CMTM6: variants seen among roughly 807,000 people sequenced by gnomAD.
CMTM6 encodes the protein CKLF-like MARVEL transmembrane domain-containing protein 6.
In CMTM6, 5 loss-of-function variants were observed where a neutral mutation model predicts 13.6. The ratio of observed to expected loss-of-function variants is 0.37; its 90% confidence interval spans 0.19 to 0.77. The LOEUF (loss-of-function observed/expected upper bound fraction) is 0.77. Ranked by LOEUF, CMTM6 falls within the 30% of genes least tolerant of loss-of-function variation. The pLI is 0.50. For synonymous variants in CMTM6, 99 were observed against 84.5 expected, an observed-to-expected ratio of 1.17 and a Z score of -0.94; for missense variants, 196 against 218.6, an observed-to-expected ratio of 0.90 and a Z score of 0.65.
intron 1 of CMTM6, among the ~76,000 whole-genome samples, chr3:32,498,727 A>C (rs1209720980): frequency 6.6e-6 from 1 of 151,016 alleles, no homozygotes; most frequent in Non-Finnish European, 1.5e-5. Context: ...TTACAGGTGC[A>C]CGCCACAATA....
At chr3:32,501,692 T>C (rs1336676496) in intron 1 of CMTM6, among the ~76,000 whole-genome samples, 1 of 152,264 alleles carries the variant, frequency 6.6e-6, no homozygotes, top group Non-Finnish European at 1.5e-5. Context: ...AGCTAATTTT[T>C]ACTTAGAATG....
chr3:32,487,755 T>C (rs1697217764), intron 3 of CMTM6, 183 bp downstream of exon 3: 1 of 442,608 alleles, frequency 2.3e-6, no homozygotes, highest in Non-Finnish European at 4.1e-6. Flanking sequence ...TCAAATTCTA[T>C]AGGCTCTAGG....
intron 3 of CMTM6, among the ~76,000 whole-genome samples, chr3:32,485,883 G>C (rs908524183): frequency 2.6e-5 from 4 of 152,130 alleles, no homozygotes; most frequent in African/African-American, 9.7e-5. Context: ...CTTCAATTTT[G>C]TTTTTGGTTT....
intron 1 of CMTM6, among the ~76,000 whole-genome samples, chr3:32,492,324 C>T (rs1697256532): frequency 6.6e-6 from 1 of 152,182 alleles, no homozygotes; most frequent in African/African-American, 2.4e-5. Context: ...ACCCAACATA[C>T]AGACAACACA....
chr3:32,484,655 T>C (rs965381585), intron 3 of CMTM6, among the ~76,000 whole-genome samples: 37 of 152,150 alleles, frequency 2.4e-4, no homozygotes, highest in African/African-American at 8.7e-4. Flanking sequence ...CTTCCTCAAC[T>C]GTTCTCTTCT....
chr3:32,485,005 AAATTT>A (rs1471964027), intron 3 of CMTM6, among the ~76,000 whole-genome samples: 3 of 152,032 alleles, frequency 2.0e-5, no homozygotes, highest in Non-Finnish European at 2.9e-5. Flanking sequence ...TATCCAATCT[AAATTT>A]AATTATCAAC....
chr3:32,493,725 G>A (rs1697267793), intron 1 of CMTM6, among the ~76,000 whole-genome samples: 2 of 152,138 alleles, frequency 1.3e-5, no homozygotes, highest in Non-Finnish European at 2.9e-5. Context: ...CAAAGGGGTA[G>A]TAAACAAGAA....
chr3:32,491,116 G>GC (rs1697247034), intron 2 of CMTM6, among the ~76,000 whole-genome samples: 1 of 152,222 alleles, frequency 6.6e-6, no homozygotes, highest in South Asian at 2.1e-4. Context: ...AGATGGTAGG[G>GC]CATTGGTTCT....
chr3:32,483,226 G>A lies in CMTM6; in HGVS notation c.*734C>T, dbSNP rs1440620223. On this transcript the variant is annotated 3_prime_UTR_variant, in exon 4 of 4. Coordinates refer to ENST00000205636, the MANE Select transcript of CMTM6 (RefSeq NM_017801.3). ...ATCAGTTTCTTCCATTTTTTTATGT[G>A]TTACAAAACAATCTTTTTTTTACTT... is the stretch of plus-strand genomic sequence containing the variant. 6.6e-6 allele frequency: 1 copy of A among 152,420 alleles called. No homozygotes were observed. The highest frequency in any genetic ancestry group is 1.5e-5 in the Non-Finnish European group (1 of 68,006). The allele number at this position is 152,420 out of a possible 1,614,324, so 9.4% of individuals were successfully genotyped here.
Position 32,502,842 on chromosome 3 carries a change from TGG to T in CMTM6, c.-99_-98del, listed in dbSNP as rs1048942045. 2.6e-5 allele frequency: 34 copies of T among 1,325,316 alleles called. No individual in the cohort carries two copies. The African/African-American group carries it at 3.3e-4, about 13-fold the overall frequency. The allele number at this position is 1,325,316 out of a possible 1,614,324, so 82.1% of individuals were successfully genotyped here. ...TAGCCGGGAGGCGGCCGTCACTTCC[TGG>T]GCCTTCTCCCCGGCTTCCGCCTGAC... On this transcript the variant is annotated 5_prime_UTR_variant, in exon 1 of 4. Coordinates refer to ENST00000205636, the MANE Select transcript of CMTM6 (RefSeq NM_017801.3).
intron 2 of CMTM6, among the ~76,000 whole-genome samples, chr3:32,488,964 C>A (rs1199780929): frequency 1.3e-5 from 2 of 152,154 alleles, no homozygotes; most frequent in Non-Finnish European, 2.9e-5. Context: ...GCAAACTCCA[C>A]TAAACCTAAT....
chr3:32,502,364 C>T (rs1697352523), intron 1 of CMTM6, among the ~76,000 whole-genome samples: 1 of 152,238 alleles, frequency 6.6e-6, no homozygotes, highest in African/African-American at 2.4e-5. Flanking sequence ...CTGAGCCCGC[C>T]TAACAGGCTG....
chr3:32,494,563 G>A (rs1167279486), intron 1 of CMTM6, among the ~76,000 whole-genome samples: 13 of 152,064 alleles, frequency 8.5e-5, no homozygotes, highest in East Asian at 1.9e-4. Context: ...TACAAAAACC[G>A]GTACGTGAAT....
chr3:32,491,974 CAAAT>C, intron 1 of CMTM6, 88 bp from the exon 2 acceptor site: 2 of 1,069,674 alleles, frequency 1.9e-6, no homozygotes, highest in South Asian at 3.5e-5. Context: ...TACGTTTACT[CAAAT>C]ATTTACAATG....
At chr3:32,495,412 G>C (rs925032803) in intron 1 of CMTM6, among the ~76,000 whole-genome samples, 7 of 152,158 alleles carry the variant, frequency 4.6e-5, no homozygotes, top group Admixed American at 6.5e-5. Context: ...TACAGGATGA[G>C]TTCTAACATG....
chr3:32,497,302 G>A (rs1469924762), intron 1 of CMTM6, among the ~76,000 whole-genome samples: 7 of 147,760 alleles, frequency 4.7e-5, no homozygotes, highest in Non-Finnish European at 1.0e-4. Flanking sequence ...GGAGAATGGC[G>A]TAAACCCAGG....
chr3:32,493,354 A>G (rs1697265051), intron 1 of CMTM6, among the ~76,000 whole-genome samples: 1 of 152,230 alleles, frequency 6.6e-6, no homozygotes, highest in Non-Finnish European at 1.5e-5. Flanking sequence ...GGTTTTAACT[A>G]CTTCCAACTG....
At chr3:32,496,116 G>A (rs1192116135) in intron 1 of CMTM6, among the ~76,000 whole-genome samples, 1 of 151,088 alleles carries the variant, frequency 6.6e-6, no homozygotes, top group South Asian at 2.1e-4. Context: ...CATGAGAATT[G>A]CTTGAACCCA....
chr3:32,502,508 C>G lies in CMTM6; in HGVS notation c.138+100G>C, dbSNP rs771868129. On this transcript the variant is annotated intron_variant, in intron 1 of 3. Transcript: ENST00000205636. ...CTAGAGGTGTGGAAACCTCCTTTTA[C>G]TGAACAACCAAGCTGAAACGAAGGA... The G allele has an allele frequency of 8.7e-5, 127 of 1,459,286 alleles. 1 individual carries two copies. Among genetic ancestry groups the G allele is most frequent in the Non-Finnish European group, 1.1e-4 (117 of 1,093,086 alleles). The allele number at this position is 1,459,286 out of a possible 1,614,324, so 90.4% of individuals were successfully genotyped here.
Sources: allele counts gnomAD v4.1 joint callset (sites outside exome capture counted in the v4.1 genomes callset), GRCh38; gene constraint gnomAD v4.1.1; transcripts MANE v1.5; gene names NCBI Gene and HGNC (gene_info 2026-07-23, HGNC 2026-07-21).